SRSF5: variants seen among roughly 807,000 people sequenced by gnomAD.
SRSF5 encodes serine/arginine-rich splicing factor 5.
Under a neutral mutation model 34.0 loss-of-function variants are expected in SRSF5, and 5 were observed. That is an observed-to-expected ratio of 0.15 (90% CI 0.08 to 0.31). The LOEUF (loss-of-function observed/expected upper bound fraction) is 0.31. Among genes scored for constraint, SRSF5 ranks in the 10% least tolerant of loss-of-function variants. The pLI, the probability that SRSF5 is intolerant of heterozygous loss-of-function variation, is 1.00. For synonymous variants in SRSF5, 164 were observed against 117.7 expected (o/e 1.39, Z -2.55); for missense variants, 223 against 351.4 (o/e 0.63, Z 2.92).
intron 1 of SRSF5, chr14:69,767,502 G>A (rs1882614592): frequency 4.4e-6 from 2 of 455,892 alleles, no homozygotes; most frequent in South Asian, 1.5e-5. Context: ...CAGTCTTAAT[G>A]TCTTCATCTC....
intron 4 of SRSF5, 49 bp from the exon 5 acceptor site, chr14:69,769,133 G>C: frequency 6.2e-7 from 1 of 1,602,070 alleles, no homozygotes; most frequent in Non-Finnish European, 8.6e-7. Context: ...TTGAACACAA[G>C]TGCTGTCATT....
At chr14:69,770,126 C>G (rs1377743641) in intron 5 of SRSF5, 1 of 1,039,516 alleles carries the variant, frequency 9.6e-7, no homozygotes, top group African/African-American at 1.7e-5. Context: ...TAAAACTTCT[C>G]TACTTTAGTC....
Position 69,771,776 on chromosome 14 carries a change from T to C in SRSF5, c.*315T>C, listed in dbSNP as rs1018567509. On this transcript the variant is annotated 3_prime_UTR_variant, in exon 8 of 8. Coordinates refer to ENST00000557154, the MANE Select transcript of SRSF5 (RefSeq NM_001320214.2). ...TAATTTTTTTGTACTAGAAAAAAAT[T>C]TGAACATTTTAGTTCTTGGTTATAA... The C allele has an allele frequency of 2.8e-5, 7 of 248,186 alleles. No homozygotes were observed. Among genetic ancestry groups the C allele is most frequent in the African/African-American group, 1.1e-4 (5 of 44,028 alleles). 15.4% of individuals were successfully genotyped at this position (248,186 alleles called of 1,614,324 possible). A position where few individuals can be genotyped will look rare whatever the true frequency, so the allele number is the denominator to read the frequency against.
Position 69,770,599 on chromosome 14 carries a change from T to G in SRSF5, c.440+59T>G, listed in dbSNP as rs986623675. On this transcript the variant is annotated intron_variant, in intron 6 of 7. Coordinates refer to ENST00000557154, the MANE Select transcript of SRSF5 (RefSeq NM_001320214.2). ...TATCCGGAAAATTTTACTGTGAACT[T>G]AGTTTTGAGGACTTAAAATTTGAAT... 19 of 1,471,134 alleles carry G rather than the reference T, an allele frequency of 1.3e-5. No individual in the cohort carries two copies. The African/African-American group carries it at 2.2e-4, about 17-fold the overall frequency. The allele number at this position is 1,471,134 out of a possible 1,614,324, so 91.1% of individuals were successfully genotyped here.
rs1329679455 is a variant in SRSF5, at chr14:69,768,214, G to T, written c.58G>T (p.Val20Leu). 6.2e-7 allele frequency: 1 copy of T among 1,614,084 alleles called. No homozygotes were observed. The highest frequency in any genetic ancestry group is 8.5e-7 in the Non-Finnish European group (1 of 1,180,050). Residue 20 changes from valine to leucine, a missense_variant, in exon 2 of 8, where the codon GTG (valine) becomes TTG (leucine). Transcript: ENST00000557154. ...RLNPAAREKD[V>L]ERFFKGYGRI... ...AAATCCAGCGGCCAGGGAGAAGGAC[G>T]TGGAAAGATTCTTCAAGGGATATGG...
intron 1 of SRSF5, 34 bp from the exon 2 acceptor site, chr14:69,768,104 T>C: frequency 6.2e-7 from 1 of 1,611,014 alleles, no homozygotes; most frequent in South Asian, 1.1e-5. Flanking sequence ...GTGACAGTCA[T>C]TGCTATTATC....
At position 69,770,912 on chromosome 14, in the gene SRSF5, G is replaced by A. The variant is rs150565057; in HGVS notation, c.441-83G>A. 520 of 1,233,110 alleles carry A rather than the reference G, an allele frequency of 4.2e-4. 2 individuals are homozygous for A. In the African/African-American group the frequency reaches 7.0e-3, roughly 17 times the overall value. 76.4% of individuals were successfully genotyped at this position (1,233,110 alleles called of 1,614,324 possible). The stretch of plus-strand genomic sequence containing the variant: ...AGTAGCAATAGCAAAAGTGAACATA[G>A]AAACGACTTACCTAGACTGCTGTGT... On this transcript the variant is annotated intron_variant, in intron 6 of 7. Coordinates refer to ENST00000557154, the MANE Select transcript of SRSF5 (RefSeq NM_001320214.2).
rs368489841 is a variant in SRSF5, at chr14:69,771,834, A to G, written c.*373A>G. The G allele has an allele frequency of 1.5e-4, 31 of 200,172 alleles. No homozygotes were observed. The East Asian group carries it at 2.0e-3, about 13-fold the overall frequency. 12.4% of individuals were successfully genotyped at this position (200,172 alleles called of 1,614,324 possible). ...AATTCAGAATTAGTTTAATGCCTTA[A>G]TTAAACTAATTAATAGCTTTGGACA... is the stretch of plus-strand genomic sequence containing the variant. On this transcript the variant is annotated 3_prime_UTR_variant, in exon 8 of 8. Transcript: ENST00000557154.
intron 5 of SRSF5, 35 bp from the exon 6 acceptor site, chr14:69,770,432 C>G: frequency 1.9e-6 from 3 of 1,603,218 alleles, no homozygotes; most frequent in Non-Finnish European, 2.6e-6. Flanking sequence ...GTCCCCTTTC[C>G]TCTTCTTTGC....
Position 69,769,278 on chromosome 14 carries a change from T to C in SRSF5, c.366+27T>C, listed in dbSNP as rs200006675. ...TTTGTTGAAATACAGTTTTGAGTTA[T>C]TTTGATGTGGCTTTTTAAAAAAGTT... is the stretch of plus-strand genomic sequence containing the variant. On this transcript the variant is annotated intron_variant, in intron 5 of 7. Transcript: ENST00000557154. 1.2e-4 allele frequency: 197 copies of C among 1,611,804 alleles called. No homozygotes were observed. In the African/African-American group the frequency reaches 1.7e-3, roughly 14 times the overall value.
chr14:69,770,367 T>A (rs1883052602), intron 5 of SRSF5, 100 bp from the exon 6 acceptor site: 3 of 1,511,300 alleles, frequency 2.0e-6, no homozygotes, highest in Admixed American at 2.3e-5. Flanking sequence ...GTACTTTATC[T>A]AACATCTTCT....
rs1384030033 is a variant in SRSF5 at position 69,771,563 on chromosome 14, G to A, written c.*102G>A. On this transcript the variant is annotated 3_prime_UTR_variant, in exon 8 of 8. Transcript: ENST00000557154. ...AATTCTGGTAAGTATGTGCTTTTCT[G>A]TGGGGGTGGGATTTGGAAGGGGGGT... The A allele has an allele frequency of 8.2e-6, 11 of 1,348,138 alleles. No individual in the cohort carries two copies. The highest frequency in any genetic ancestry group is 1.1e-5 in the Non-Finnish European group (11 of 1,000,224). The allele number at this position is 1,348,138 out of a possible 1,614,324, so 83.5% of individuals were successfully genotyped here.
chr14:69,769,854 G>A, intron 5 of SRSF5: 1 of 1,255,424 alleles, frequency 8.0e-7, no homozygotes, highest in Non-Finnish European at 1.0e-6. Flanking sequence ...CTTGGTAACT[G>A]CTCGAGTAGA....
intron 5 of SRSF5, chr14:69,770,163 CTTT>C (rs1280621233): frequency 7.4e-6 from 8 of 1,084,210 alleles, no homozygotes; most frequent in African/African-American, 1.7e-5. Flanking sequence ...GTACTGTTTC[CTTT>C]TTTGTTGTTT....
At chr14:69,769,769 A>T in intron 5 of SRSF5, 1 of 1,362,740 alleles carries the variant, frequency 7.3e-7, no homozygotes, top group Non-Finnish European at 9.4e-7. Flanking sequence ...GCTTCCGAAT[A>T]AGAGGTCCGG....
intron 2 of SRSF5, 116 bp from the exon 3 acceptor site, chr14:69,768,486 CTG>C (rs1882807941): frequency 7.3e-6 from 9 of 1,236,084 alleles, no homozygotes; most frequent in Non-Finnish European, 1.0e-5. Flanking sequence ...TTAGGTTTGA[CTG>C]TATGGCAGTG....
At chr14:69,770,941 ATG>A (rs1883130733) in intron 6 of SRSF5, 52 bp from the exon 7 acceptor site, 1 of 1,452,968 alleles carries the variant, frequency 6.9e-7, no homozygotes, top group Non-Finnish European at 9.5e-7. Flanking sequence ...GCTGTGTGCA[ATG>A]TGTGAGACTA....
At chr14:69,767,734 G>GTC in intron 1 of SRSF5, 1 of 356,472 alleles carries the variant, frequency 2.8e-6, no homozygotes. Context: ...CGGTCGAGGC[G>GTC]TCGCGAGATT....
intron 1 of SRSF5, chr14:69,767,606 G>A (rs1473426100): frequency 2.2e-6 from 1 of 451,698 alleles, no homozygotes; most frequent in Middle Eastern, 3.4e-4. Flanking sequence ...CCCCGAGAAG[G>A]GGGTTGCTGG....
Sources: allele counts gnomAD v4.1 joint callset, GRCh38; gene constraint gnomAD v4.1.1; transcripts MANE v1.5; gene names NCBI Gene and HGNC (gene_info 2026-07-23, HGNC 2026-07-21).